Variants in MLLT3 observed in about 807,000 individuals in gnomAD.
MLLT3 encodes the protein protein AF-9.
Under a neutral mutation model 53.2 loss-of-function variants are expected in MLLT3, and 4 were observed. That is an observed-to-expected ratio of 0.08 (90% CI 0.04 to 0.17). MLLT3 has a LOEUF of 0.17. Among genes scored for constraint, MLLT3 ranks in the 10% least tolerant of loss-of-function variants. MLLT3 has a pLI of 1.00. For synonymous variants in MLLT3, 283 were observed against 230.6 expected (o/e 1.23, Z -2.06); for missense variants, 569 against 684.0 (o/e 0.83, Z 1.87).
At chr9:20,493,710 T>G (rs1023482571) in intron 2 of MLLT3, among the ~76,000 whole-genome samples, 11 of 151,984 alleles carry the variant, frequency 7.2e-5, no homozygotes, top group Admixed American at 6.6e-5. Flanking sequence ...TATAATTACA[T>G]GAGAAATACC....
At chr9:20,588,569 G>C (rs567701092) in intron 2 of MLLT3, among the ~76,000 whole-genome samples, 32 of 152,236 alleles carry the variant, frequency 2.1e-4, no homozygotes, top group African/African-American at 7.2e-4. Flanking sequence ...TCCCTTGTAA[G>C]TTGGATTCCT....
intron 2 of MLLT3, among the ~76,000 whole-genome samples, chr9:20,503,560 T>C (rs1825302385): frequency 6.6e-6 from 1 of 152,124 alleles, no homozygotes; most frequent in African/African-American, 2.4e-5. Context: ...GGACTAAAGA[T>C]TCAAATGTAA....
At chr9:20,573,149 TTGTTTTTGTTCC>T in intron 2 of MLLT3, among the ~76,000 whole-genome samples, 1 of 151,220 alleles carries the variant, frequency 6.6e-6, no homozygotes, top group East Asian at 2.0e-4. Context: ...CTGTTGTGTT[TTGTTTTTGTTCC>T]TGTTTTTGTT....
intron 5 of MLLT3, among the ~76,000 whole-genome samples, chr9:20,396,466 G>C (rs1586917448): frequency 6.6e-6 from 1 of 152,242 alleles, no homozygotes; most frequent in East Asian, 1.9e-4. Context: ...CCAGATCACA[G>C]AGCTAGTTAA....
intron 8 of MLLT3, among the ~76,000 whole-genome samples, chr9:20,355,517 TAGA>T (rs1378765385): frequency 1.3e-5 from 2 of 152,210 alleles, no homozygotes; most frequent in Admixed American, 1.3e-4. Context: ...ACATACTGTA[TAGA>T]AGCTTTGGTG....
intron 4 of MLLT3, among the ~76,000 whole-genome samples, chr9:20,427,737 G>C (rs977270860): frequency 6.6e-6 from 1 of 151,950 alleles, no homozygotes; most frequent in Non-Finnish European, 1.5e-5. Context: ...GTGGTACACT[G>C]GTGCCAGCTA....
chr9:20,540,237 T>C (rs1818594172), intron 2 of MLLT3, among the ~76,000 whole-genome samples: 1 of 152,102 alleles, frequency 6.6e-6, no homozygotes, highest in South Asian at 2.1e-4. Flanking sequence ...CAGTGCAAGG[T>C]GTCACTGGAG....
chr9:20,517,575 G>A (rs1283380443), intron 2 of MLLT3, among the ~76,000 whole-genome samples: 2 of 152,148 alleles, frequency 1.3e-5, no homozygotes, highest in Admixed American at 6.5e-5. Context: ...AGTGGCTCAC[G>A]CCTATTATCC....
At chr9:20,358,774 T>C (rs1185446335) in intron 8 of MLLT3, among the ~76,000 whole-genome samples, 1 of 152,156 alleles carries the variant, frequency 6.6e-6, no homozygotes, top group Non-Finnish European at 1.5e-5. Flanking sequence ...CTCCTGGCCC[T>C]GCCACTGCTG....
intron 2 of MLLT3, among the ~76,000 whole-genome samples, chr9:20,565,938 TTA>T (rs374764024): frequency 8.8e-3 from 110 of 12,534 alleles, no homozygotes; most frequent in Middle Eastern, 0.071. Flanking sequence ...ATATATATAT[TTA>T]TATATATATA....
Position 20,467,915 on chromosome 9 carries a change from A to G in MLLT3, c.194-11129T>C, listed in dbSNP as rs561104885. Among the ~76,000 whole-genome samples, 3 of 152,338 alleles carry G rather than the reference A, an allele frequency of 2.0e-5. No individual in the cohort carries two copies. In the South Asian group the frequency reaches 6.2e-4, roughly 32 times the overall value. ...CTCACTTAAATCAAGGGCTCATTGAAAACTTTAATTTAGCAACAGGCAGCA... is the reference window on the plus strand; with the variant it reads ...CTCACTTAAATCAAGGGCTCATTGAGAACTTTAATTTAGCAACAGGCAGCA... On this transcript the variant is annotated intron_variant, in intron 2 of 10. Transcript: ENST00000380338.
intron 5 of MLLT3, among the ~76,000 whole-genome samples, chr9:20,409,372 A>C (rs1163803277): frequency 1.3e-5 from 2 of 152,200 alleles, no homozygotes; most frequent in Non-Finnish European, 2.9e-5. Flanking sequence ...TTATATGAAA[A>C]ACAAAAACAG....
chr9:20,448,050 T>TA lies in MLLT3; in HGVS notation c.420+72dup, dbSNP rs1823747712. On this transcript the variant is annotated intron_variant, in intron 4 of 10. Transcript: ENST00000380338. This position sits in a 1 kb window ranked among gnomAD's most constrained non-coding sequence, Gnocchi z 4.0. ...TTATACTTTTTAACACATGAGGAACTAGTTTGTTTGTTTTTTTTTTTGTTG... is the reference window on the plus strand; with the variant it reads ...TTATACTTTTTAACACATGAGGAACTAAGTTTGTTTGTTTTTTTTTTTGTTG... 1 of 1,493,868 alleles carries TA rather than the reference T, an allele frequency of 6.7e-7. No homozygotes were observed. The allele number at this position is 1,493,868 out of a possible 1,614,324, so 92.5% of individuals were successfully genotyped here. A position where few individuals can be genotyped will look rare whatever the true frequency, so the allele number is the denominator to read the frequency against.
chr9:20,388,660 A>C (rs147471745), intron 5 of MLLT3, among the ~76,000 whole-genome samples: 81 of 152,294 alleles, frequency 5.3e-4, no homozygotes, highest in African/African-American at 1.8e-3. Context: ...AAAAACAAAG[A>C]ATAAACAGGA....
At chr9:20,452,010 A>G (rs1384244262) in intron 3 of MLLT3, among the ~76,000 whole-genome samples, 1 of 152,238 alleles carries the variant, frequency 6.6e-6, no homozygotes, top group Non-Finnish European at 1.5e-5. Flanking sequence ...CAGCTCAAAT[A>G]AATGAGCAGA....
chr9:20,587,072 C>T (rs1819988247), intron 2 of MLLT3, among the ~76,000 whole-genome samples: 1 of 151,430 alleles, frequency 6.6e-6, no homozygotes, highest in Non-Finnish European at 1.5e-5. Flanking sequence ...AAATAAAAGA[C>T]TTGATTCTGC....
intron 2 of MLLT3, among the ~76,000 whole-genome samples, chr9:20,496,484 T>C (rs937297000): frequency 3.9e-5 from 6 of 152,178 alleles, no homozygotes; most frequent in African/African-American, 1.2e-4. Context: ...TATATTTGTT[T>C]AGCATAATTG....
chr9:20,510,550 T>G (rs1284872154), intron 2 of MLLT3, among the ~76,000 whole-genome samples: 1 of 147,656 alleles, frequency 6.8e-6, no homozygotes, highest in Non-Finnish European at 1.5e-5. Flanking sequence ...AGGCAGAGGT[T>G]GCAGTGAGCC....
intron 2 of MLLT3, among the ~76,000 whole-genome samples, chr9:20,579,763 T>C (rs1456445868): frequency 6.6e-6 from 1 of 152,064 alleles, no homozygotes; most frequent in Non-Finnish European, 1.5e-5. Context: ...TAGGGACACA[T>C]ATGAGAGGCT....
Sources: allele counts gnomAD v4.1 joint callset (sites outside exome capture counted in the v4.1 genomes callset), GRCh38; gene constraint gnomAD v4.1.1; non-coding constraint Gnocchi (gnomAD v3.1); transcripts MANE v1.5; gene names NCBI Gene and HGNC (gene_info 2026-07-23, HGNC 2026-07-21).